The following CADM1 variants were observed in gnomAD, a reference collection of about 807,000 sequenced individuals.
The protein encoded by CADM1 is TSLC-1.
In CADM1, 15 loss-of-function variants were observed where a neutral mutation model predicts 53.1. The ratio of observed to expected loss-of-function variants is 0.28; its 90% CI spans 0.19 to 0.44. CADM1 has a LOEUF of 0.44. Ranked by LOEUF, CADM1 falls within the 20% of genes least tolerant of loss-of-function variation. The pLI is 1.00. For missense variants in CADM1, 434 were observed against 611.3 expected, an observed-to-expected ratio of 0.71 and a Z score of 3.06; for synonymous variants, 281 against 243.0, an observed-to-expected ratio of 1.16 and a Z score of -1.45.
chr11:115,262,930 TACAGTTACAAA>T (rs2135022010), intron 1 of CADM1, among the ~76,000 whole-genome samples: 1 of 152,350 alleles, frequency 6.6e-6, no homozygotes, highest in South Asian at 2.1e-4. Flanking sequence ...TTAGCTGTGG[TACAGTTACAAA>T]AACTAAGAGA....
chr11:115,387,833 C>A (rs1946737097), intron 1 of CADM1, among the ~76,000 whole-genome samples: 1 of 151,806 alleles, frequency 6.6e-6, no homozygotes, highest in Non-Finnish European at 1.5e-5. Flanking sequence ...GGCCTAGAAT[C>A]AAATCTACCC....
chr11:115,306,657 T>C (rs769876801), intron 1 of CADM1, among the ~76,000 whole-genome samples: 21 of 151,958 alleles, frequency 1.4e-4, no homozygotes, highest in Non-Finnish European at 2.9e-4. Context: ...AGTAGGATTG[T>C]GTAGGACTAC....
chr11:115,459,725 G>T (rs898396863), intron 1 of CADM1, among the ~76,000 whole-genome samples: 1 of 152,122 alleles, frequency 6.6e-6, no homozygotes. Context: ...ATTCAAAATG[G>T]TTTAGTCACT....
chr11:115,217,358 A>C (rs994304590), intron 6 of CADM1, among the ~76,000 whole-genome samples: 3 of 152,226 alleles, frequency 2.0e-5, no homozygotes, highest in Non-Finnish European at 4.4e-5. Flanking sequence ...ATCCTCCTTA[A>C]GAAAAGTTCC....
intron 1 of CADM1, among the ~76,000 whole-genome samples, chr11:115,320,376 TA>T (rs1295534837): frequency 1.3e-5 from 2 of 152,176 alleles, no homozygotes; most frequent in African/African-American, 4.8e-5. Context: ...TTCTAAATTT[TA>T]ATTAGATGAA....
Position 115,433,770 on chromosome 11 carries a change from C to T in CADM1, c.124+70501G>A, listed in dbSNP as rs896966651. On this transcript the variant is annotated intron_variant, in intron 1 of 11. Coordinates refer to ENST00000331581, the MANE Select transcript of CADM1 (RefSeq NM_001301043.2). ...GTGGAAGAGCTGAGGAAATTCTTTG[C>T]GAAAGAGCATTACACTGTGCAAACA... Among the ~76,000 whole-genome samples the T allele has an allele frequency of 3.5e-4, 53 of 152,230 alleles. 2 individuals carry two copies. Among genetic ancestry groups the T allele is most frequent in the South Asian group, 1.0e-3 (5 of 4,816 alleles).
rs2134554461 is a variant in CADM1, at chr11:115,172,395, A to G, written c.*4079T>C. The G allele has an allele frequency of 6.6e-6, 1 of 152,276 alleles. No homozygotes were observed. Among genetic ancestry groups the G allele is most frequent in the South Asian group, 2.1e-4 (1 of 4,822 alleles). The allele number at this position is 152,276 out of a possible 1,614,324, so 9.4% of individuals were successfully genotyped here. On this transcript the variant is annotated 3_prime_UTR_variant, in exon 12 of 12. Coordinates refer to ENST00000331581, the MANE Select transcript of CADM1 (RefSeq NM_001301043.2). ...GGAATTGCTTTCTTCTCCCCATACA[A>G]ATCAGCAGGCTGGCTGGGCTTGTTG... is the stretch of plus-strand genomic sequence containing the variant.
In CADM1 at chr11:115,411,442, G is replaced by A. The variant is rs79321862; in HGVS notation, c.124+92829C>T. ...TCATTACTATATTTAGTTATGGAAT[G>A]ATAGGAAAGGCATAAATTTTTAAAC... On this transcript the variant is annotated intron_variant, in intron 1 of 11. Transcript: ENST00000331581. 6.7e-3 allele frequency among the ~76,000 whole-genome samples: 1,014 copies of A among 152,260 alleles called. 31 individuals carry two copies. The East Asian group carries it at 0.08, about 12-fold the overall frequency.
At chr11:115,368,547 G>A (rs1010422995) in intron 1 of CADM1, among the ~76,000 whole-genome samples, 2 of 152,128 alleles carry the variant, frequency 1.3e-5, no homozygotes, top group East Asian at 3.8e-4. Context: ...CTGAATATAT[G>A]TAATGACTTC....
rs115735446 is a variant in CADM1, at chr11:115,237,567, C to T, written c.424+933G>A. Among the ~76,000 whole-genome samples the T allele has an allele frequency of 5.0e-3, 760 of 152,306 alleles. 6 individuals carry two copies. The highest frequency in any genetic ancestry group is 0.018 in the African/African-American group (730 of 41,568). On this transcript the variant is annotated intron_variant, in intron 3 of 11. Coordinates refer to ENST00000331581, the MANE Select transcript of CADM1 (RefSeq NM_001301043.2). ...TTCATATTTATCTTTCCTCTTTAATCTTCCTATCATTACACTGAAAAGCTG... is the reference window on the plus strand; with the variant it reads ...TTCATATTTATCTTTCCTCTTTAATTTTCCTATCATTACACTGAAAAGCTG...
intron 5 of CADM1, among the ~76,000 whole-genome samples, chr11:115,223,973 A>AAGAGAG (rs1555043883): frequency 0.011 from 1,014 of 92,474 alleles, 16 homozygotes; most frequent in East Asian, 0.046. Flanking sequence ...AAAAAAAAAA[A>AAGAGAG]AGAGAGAGAG....
chr11:115,231,162 T>A (rs1039852926), intron 4 of CADM1, among the ~76,000 whole-genome samples, 191 bp downstream of exon 4: 1 of 152,208 alleles, frequency 6.6e-6, no homozygotes, highest in African/African-American at 2.4e-5. Context: ...AACAGCAGAA[T>A]GAGGACATGG....
chr11:115,374,127 G>A (rs1025644761), intron 1 of CADM1, among the ~76,000 whole-genome samples: 26 of 152,094 alleles, frequency 1.7e-4, no homozygotes, highest in African/African-American at 5.8e-4. Flanking sequence ...GCTGATTCCA[G>A]GTTTGAGGCA....
chr11:115,343,776 C>T (rs914379497), intron 1 of CADM1, among the ~76,000 whole-genome samples: 3 of 149,314 alleles, frequency 2.0e-5, no homozygotes, highest in Admixed American at 6.6e-5. Context: ...ATGAAAATCA[C>T]AAGACCTGAG....
intron 1 of CADM1, among the ~76,000 whole-genome samples, chr11:115,270,329 T>C (rs769651365): frequency 3.3e-5 from 5 of 152,242 alleles, no homozygotes; most frequent in Non-Finnish European, 5.9e-5. Flanking sequence ...TACTTTACCA[T>C]ATTTATTATT....
intron 8 of CADM1, among the ~76,000 whole-genome samples, chr11:115,199,852 G>T (rs531987541): frequency 6.6e-6 from 1 of 152,204 alleles, no homozygotes; most frequent in African/African-American, 2.4e-5. Context: ...CAGCTATTTA[G>T]CTGGCAATTG....
intron 1 of CADM1, among the ~76,000 whole-genome samples, chr11:115,296,506 T>C (rs1468136328): frequency 6.6e-6 from 1 of 152,128 alleles, no homozygotes; most frequent in Non-Finnish European, 1.5e-5. Context: ...CTTGTGGAAA[T>C]GGATTAGTTC....
intron 1 of CADM1, among the ~76,000 whole-genome samples, chr11:115,431,168 G>A (rs1336980392): frequency 6.6e-6 from 1 of 152,128 alleles, no homozygotes; most frequent in Admixed American, 6.5e-5. Context: ...GACAACTACT[G>A]TAAAATATAT....
intron 1 of CADM1, among the ~76,000 whole-genome samples, chr11:115,330,438 A>G (rs1197664307): frequency 3.3e-5 from 5 of 152,154 alleles, no homozygotes; most frequent in Admixed American, 2.0e-4. Context: ...TTATTCATCT[A>G]TAATGTGTGA....
Sources: allele counts gnomAD v4.1 joint callset (sites outside exome capture counted in the v4.1 genomes callset), GRCh38; gene constraint gnomAD v4.1.1; transcripts MANE v1.5; gene names NCBI Gene and HGNC (gene_info 2026-07-23, HGNC 2026-07-21).